The following CSMD1 variants were observed in gnomAD, a reference collection of about 807,000 sequenced individuals.
CSMD1 encodes the protein CUB and Sushi multiple domains 1.
Under a neutral mutation model 417.5 loss-of-function variants are expected in CSMD1, and 213 were observed. That is an observed-to-expected ratio of 0.51 (90% confidence interval 0.46 to 0.57). The LOEUF (loss-of-function observed/expected upper bound fraction) is 0.57, where lower values mean the gene tolerates loss of function less well. Ranked by LOEUF, CSMD1 falls within the 20% of genes least tolerant of loss-of-function variation. The pLI is 0.00. For synonymous variants in CSMD1, 2,862 were observed against 1,736.8 expected, an observed-to-expected ratio of 1.65 and a Z score of -16.11; for missense variants, 6,923 against 4,529.7, an observed-to-expected ratio of 1.53 and a Z score of -15.17.
chr8:3,969,048 C>T (rs1444814389), intron 5 of CSMD1, among the ~76,000 whole-genome samples: 5 of 152,086 alleles, frequency 3.3e-5, no homozygotes, highest in African/African-American at 4.8e-5. Context: ...TTCAGGAGTT[C>T]GAGACCAGCC....
chr8:3,451,464 G>A (rs1337279265), intron 12 of CSMD1, among the ~76,000 whole-genome samples: 1 of 152,038 alleles, frequency 6.6e-6, no homozygotes, highest in Non-Finnish European at 1.5e-5. Context: ...ACATTTAAGT[G>A]TCCAATTCAT....
At chr8:4,212,633 C>T (rs981659318) in intron 3 of CSMD1, among the ~76,000 whole-genome samples, 2 of 151,782 alleles carry the variant, frequency 1.3e-5, no homozygotes, top group Non-Finnish European at 1.5e-5. Flanking sequence ...TCTACTACTG[C>T]CACCATGTTA....
intron 3 of CSMD1, among the ~76,000 whole-genome samples, chr8:4,405,002 AAGCT>A (rs1804910145): frequency 6.6e-6 from 1 of 152,256 alleles, no homozygotes; most frequent in Non-Finnish European, 1.5e-5. Context: ...TCAAGGCTAA[AAGCT>A]AAGTAATAAA....
At chr8:3,356,016 C>T (rs1367068164) in intron 21 of CSMD1, among the ~76,000 whole-genome samples, 1 of 152,012 alleles carries the variant, frequency 6.6e-6, no homozygotes, top group Non-Finnish European at 1.5e-5. Context: ...AAAAAGTTTC[C>T]ATCTCTTTCA....
At chr8:3,277,069 A>T (rs906116812) in intron 26 of CSMD1, among the ~76,000 whole-genome samples, 2 of 152,216 alleles carry the variant, frequency 1.3e-5, no homozygotes, top group East Asian at 3.9e-4. Flanking sequence ...AAGGCGGGGA[A>T]GGTCAGTCCA....
chr8:4,021,524 A>G (rs1245562017), intron 4 of CSMD1, among the ~76,000 whole-genome samples: 1 of 152,108 alleles, frequency 6.6e-6, no homozygotes, highest in African/African-American at 2.4e-5. Flanking sequence ...TAGAGTGTGG[A>G]TGCTCCAGCA....
intron 8 of CSMD1, among the ~76,000 whole-genome samples, chr8:3,608,745 C>G (rs994306754): frequency 1.7e-4 from 23 of 136,842 alleles, no homozygotes; most frequent in African/African-American, 5.9e-4. Flanking sequence ...GCCTGGACAA[C>G]AGAGTGAGAC....
chr8:3,915,420 A>ACAAACAAAC (rs1300410934), intron 5 of CSMD1, among the ~76,000 whole-genome samples: 8 of 150,092 alleles, frequency 5.3e-5, no homozygotes, highest in African/African-American at 2.0e-4. Flanking sequence ...AAAAAAAAAA[A>ACAAACAAAC]AAAAAAAAGA....
intron 3 of CSMD1, among the ~76,000 whole-genome samples, chr8:4,256,613 G>A (rs1803471079): frequency 6.6e-6 from 1 of 152,146 alleles, no homozygotes; most frequent in Non-Finnish European, 1.5e-5. Flanking sequence ...AAACCACCTT[G>A]AGAATCAGTG....
chr8:3,134,539 A>G (rs186059431), intron 41 of CSMD1, among the ~76,000 whole-genome samples: 2 of 152,336 alleles, frequency 1.3e-5, no homozygotes, highest in Admixed American at 1.3e-4. Flanking sequence ...GTTTTCCCAC[A>G]GTGGCCGTTC....
intron 11 of CSMD1, 92 bp downstream of exon 11, chr8:3,493,531 C>T (rs540947503): frequency 4.6e-6 from 5 of 1,077,708 alleles, no homozygotes; most frequent in East Asian, 5.2e-5. Flanking sequence ...ACACCTGAGG[C>T]CGAATTACAA....
intron 1 of CSMD1, among the ~76,000 whole-genome samples, chr8:4,809,944 T>C (rs1459209240): frequency 6.6e-6 from 1 of 152,214 alleles, no homozygotes; most frequent in Non-Finnish European, 1.5e-5. Flanking sequence ...ATCAGTTTCT[T>C]CACCTGTTTC....
rs142088244 is a variant in CSMD1 at position 4,634,962 on chromosome 8, C to A, written c.302+2380G>T. ...GTTCCCAAAGAAATCACTCTGCACT[C>A]CTCGAACGTCTCCTCAAAATGGCAT... On this transcript the variant is annotated intron_variant, in intron 2 of 69. Coordinates refer to ENST00000635120, the MANE Select transcript of CSMD1 (RefSeq NM_033225.6). Among the ~76,000 whole-genome samples, 14 of 152,298 alleles carry A rather than the reference C, an allele frequency of 9.2e-5. No homozygotes were observed. The East Asian group carries it at 2.7e-3, about 29-fold the overall frequency.
intron 2 of CSMD1, among the ~76,000 whole-genome samples, chr8:4,468,994 A>T (rs78265331): frequency 6.6e-6 from 1 of 152,104 alleles, no homozygotes; most frequent in Non-Finnish European, 1.5e-5. Context: ...TTCTCTTATC[A>T]GAGACTCTAA....
chr8:4,925,322 T>G (rs1806783580), intron 1 of CSMD1, among the ~76,000 whole-genome samples: 2 of 144,882 alleles, frequency 1.4e-5, no homozygotes. Flanking sequence ...GTAGGTGGTC[T>G]TTGACGGGGT....
chr8:3,679,144 A>G (rs1157147127), intron 7 of CSMD1, among the ~76,000 whole-genome samples: 1 of 152,190 alleles, frequency 6.6e-6, no homozygotes, highest in South Asian at 2.1e-4. Context: ...CACAATAACC[A>G]GCTAACATCA....
intron 3 of CSMD1, among the ~76,000 whole-genome samples, chr8:4,419,739 G>C (rs1563154434): frequency 2.0e-5 from 3 of 152,186 alleles, no homozygotes; most frequent in Admixed American, 1.3e-4. Flanking sequence ...AAAAGTTCTA[G>C]TGATAAGAAG....
intron 1 of CSMD1, among the ~76,000 whole-genome samples, chr8:4,933,742 C>G (rs529396428): frequency 6.6e-6 from 1 of 152,248 alleles, no homozygotes; most frequent in Admixed American, 6.5e-5. Context: ...AAAAGATATA[C>G]TAACTTATAA....
intron 5 of CSMD1, among the ~76,000 whole-genome samples, chr8:3,976,867 C>T (rs966006663): frequency 1.3e-5 from 2 of 152,182 alleles, no homozygotes; most frequent in African/African-American, 2.4e-5. Flanking sequence ...CTGACCAGCA[C>T]TAGCACTGAG....
Sources: allele counts gnomAD v4.1 joint callset (sites outside exome capture counted in the v4.1 genomes callset), GRCh38; gene constraint gnomAD v4.1.1; transcripts MANE v1.5; gene names NCBI Gene and HGNC (gene_info 2026-07-23, HGNC 2026-07-21).